GPM6B: variants seen among roughly 807,000 people sequenced by gnomAD.
The protein encoded by GPM6B is glycoprotein M6B.
A neutral mutation model predicts 27.2 loss-of-function variants in GPM6B; 4 were observed. The ratio of observed to expected loss-of-function variants is 0.15; its 90% confidence interval spans 0.07 to 0.34. GPM6B has a LOEUF of 0.34. Among genes scored for constraint, GPM6B ranks in the 10% least tolerant of loss-of-function variants. GPM6B has a pLI of 1.00. For missense variants in GPM6B, 183 were observed against 261.9 expected, an observed-to-expected ratio of 0.70 and a Z score of 2.08; for synonymous variants, 124 against 103.1, an observed-to-expected ratio of 1.20 and a Z score of -1.23.
chrX:13,859,701 G>T (rs1166696303), intron 1 of GPM6B, among the ~76,000 whole-genome samples: 1 of 111,405 alleles, frequency 9.0e-6, no homozygotes, highest in Non-Finnish European at 1.9e-5. Flanking sequence ...AGTTTATACA[G>T]CTAGGAAGTG....
intron 1 of GPM6B, among the ~76,000 whole-genome samples, chrX:13,888,305 G>C (rs2050156819): frequency 8.9e-6 from 1 of 112,001 alleles, no homozygotes; most frequent in South Asian, 3.7e-4. Context: ...CAAAACTCTG[G>C]AAGGGAAAAT....
At chrX:13,900,350 G>T (rs1203060372) in intron 1 of GPM6B, among the ~76,000 whole-genome samples, 1 of 111,578 alleles carries the variant, frequency 9.0e-6, no homozygotes, top group Admixed American at 9.5e-5. Context: ...CTAGAAAAAG[G>T]CCTGAAGTTG....
chrX:13,772,763 C>CA lies in GPM6B; in HGVS notation c.*117dup. The CA allele has an allele frequency of 1.6e-6, 1 of 628,318 alleles. No individual in the cohort carries two copies. 51.8% of individuals were successfully genotyped at this position (628,318 alleles called of 1,213,427 possible). ...ATACATCCCAGCAGCTTGAGACAGA[C>CA]AGTGAAGTGTTTGTACATCTACATT... is the stretch of plus-strand genomic sequence containing the variant. On this transcript the variant is annotated 3_prime_UTR_variant, in exon 8 of 8. Transcript: ENST00000316715.
intron 2 of GPM6B, among the ~76,000 whole-genome samples, chrX:13,787,041 C>CA (rs869123073): frequency 0.055 from 1,332 of 24,391 alleles, 120 homozygotes; most frequent in East Asian, 0.12. Context: ...ATTAAGCCAG[C>CA]AAAAAAAAAA....
At chrX:13,794,343 C>G (rs1022878200) in intron 2 of GPM6B, among the ~76,000 whole-genome samples, 3 of 111,111 alleles carry the variant, frequency 2.7e-5, no homozygotes, top group African/African-American at 9.8e-5. Context: ...CTTTAACCTG[C>G]GTATAAATCT....
At chrX:13,917,127 G>A (rs2050437502) in intron 1 of GPM6B, among the ~76,000 whole-genome samples, 2 of 111,209 alleles carry the variant, frequency 1.8e-5, no homozygotes, top group African/African-American at 6.5e-5. Context: ...TGGGGGAATC[G>A]CTTGAGCCCA....
In GPM6B at chrX:13,833,349, T is replaced by C. The variant is rs767881275; in HGVS notation, c.-197-47541A>G. Among the ~76,000 whole-genome samples, 5 of 110,825 alleles carry C rather than the reference T, an allele frequency of 4.5e-5. No individual in the cohort carries two copies. In the East Asian group the frequency reaches 1.4e-3, roughly 31 times the overall value. The stretch of plus-strand genomic sequence containing the variant: ...TATTGTCTATGCTGACCTCACAAGC[T>C]ATTTGATAAAACCTCTTTCCATATA... On this transcript the variant is annotated intron_variant, in intron 1 of 6. Transcript: ENST00000398361.
chrX:13,780,022 CTG>C (rs756085051), intron 4 of GPM6B, 33 bp from the exon 5 acceptor site: 24 of 1,118,214 alleles, frequency 2.1e-5, no homozygotes, highest in Non-Finnish European at 2.8e-5. Flanking sequence ...ACAATCATCA[CTG>C]AAACAGGTAG....
intron 1 of GPM6B, among the ~76,000 whole-genome samples, chrX:13,921,946 C>T (rs1184558740): frequency 9.0e-6 from 1 of 111,269 alleles, no homozygotes; most frequent in Non-Finnish European, 1.9e-5. Context: ...AGGGGTAGTA[C>T]CTTTTAGGTC....
At chrX:13,779,724 CAATT>C (rs1337852309) in intron 5 of GPM6B, 90 bp downstream of exon 5, 1 of 686,358 alleles carries the variant, frequency 1.5e-6, no homozygotes, top group African/African-American at 2.2e-5. Flanking sequence ...CAGATCATGA[CAATT>C]AAAAGGATGC....
intron 1 of GPM6B, among the ~76,000 whole-genome samples, chrX:13,827,029 A>G (rs181636694): frequency 1.8e-5 from 2 of 110,418 alleles, no homozygotes; most frequent in East Asian, 5.7e-4. Flanking sequence ...ATGTTTCTGG[A>G]GCAGTTCCTT....
intron 1 of GPM6B, among the ~76,000 whole-genome samples, chrX:13,910,975 C>T (rs2050374050): frequency 8.9e-6 from 1 of 112,116 alleles, no homozygotes; most frequent in Non-Finnish European, 1.9e-5. Context: ...AGTTAAAACA[C>T]TATTTTCCAT....
chrX:13,835,043 A>G (rs2049480542), intron 1 of GPM6B, among the ~76,000 whole-genome samples: 1 of 111,772 alleles, frequency 8.9e-6, no homozygotes, highest in Non-Finnish European at 1.9e-5. Flanking sequence ...TATTCAGCAA[A>G]TATTTACCTG....
chrX:13,906,496 C>G (rs368304846), intron 1 of GPM6B, among the ~76,000 whole-genome samples: 1 of 111,681 alleles, frequency 9.0e-6, no homozygotes, highest in Non-Finnish European at 1.9e-5. Flanking sequence ...TTTTCTTTAA[C>G]GGCTACCCAT....
At chrX:13,864,527 CA>C (rs1179173497) in intron 1 of GPM6B, among the ~76,000 whole-genome samples, 2 of 112,918 alleles carry the variant, frequency 1.8e-5, no homozygotes, top group Admixed American at 9.3e-5. Flanking sequence ...CAGCATATTG[CA>C]AACGTTCCAA....
intron 7 of GPM6B, chrX:13,773,676 C>G (rs140721988): frequency 1.8e-5 from 2 of 111,261 alleles, no homozygotes; most frequent in African/African-American, 6.5e-5. Flanking sequence ...ACACTTGATG[C>G]GGCAAACACT....
At chrX:13,930,352 C>A (rs1003246084) in intron 1 of GPM6B, among the ~76,000 whole-genome samples, 1 of 111,781 alleles carries the variant, frequency 8.9e-6, no homozygotes, top group East Asian at 2.8e-4. Flanking sequence ...CGGTGGCTCA[C>A]ACCTATAATC....
At chrX:13,787,041 C>CAAAAAAAAAAAAAAAAA (rs869123073) in intron 2 of GPM6B, among the ~76,000 whole-genome samples, 8 of 24,511 alleles carry the variant, frequency 3.3e-4, no homozygotes, top group African/African-American at 1.2e-3. Context: ...ATTAAGCCAG[C>CAAAAAAAAAAAAAAAAA]AAAAAAAAAA....
chrX:13,810,350 T>A (rs1022706541), intron 1 of GPM6B, among the ~76,000 whole-genome samples: 3 of 111,952 alleles, frequency 2.7e-5, no homozygotes, highest in Non-Finnish European at 5.6e-5. Flanking sequence ...GGATTCTAAG[T>A]AGTTCTATCA....
Sources: allele counts gnomAD v4.1 joint callset (sites outside exome capture counted in the v4.1 genomes callset), GRCh38; gene constraint gnomAD v4.1.1; transcripts MANE v1.5; gene names NCBI Gene and HGNC (gene_info 2026-07-23, HGNC 2026-07-21).